The following UNC80 variants were observed in gnomAD, a reference collection of about 807,000 sequenced individuals.
The protein encoded by UNC80 is unc-80 subunit of NALCN channel complex, also known as protein unc-80 homolog.
In UNC80, 164 loss-of-function variants were observed where a neutral mutation model predicts 384.6. That is an observed-to-expected ratio of 0.43 (90% CI 0.38 to 0.49). UNC80 has a LOEUF of 0.49. Ranked by LOEUF, UNC80 falls within the 20% of genes least tolerant of loss-of-function variation. The pLI is 0.00. For missense variants in UNC80, 3,330 were observed against 4,143.0 expected (o/e 0.80, Z 5.39); for synonymous variants, 1,486 against 1,527.8 (o/e 0.97, Z 0.64).
rs2080778319 is a variant in UNC80, at chr2:209,829,255, A to G, written c.2502A>G (p.Leu834=). 7 of 1,551,372 alleles carry G rather than the reference A, an allele frequency of 4.5e-6. No homozygotes were observed. Among genetic ancestry groups the G allele is most frequent in the South Asian group, 2.4e-5 (2 of 84,044 alleles). Residue 834 remains leucine (L), a synonymous_variant, in exon 15 of 65, where the codon CTA becomes CTG. Transcript: ENST00000673920. ...RENAQNCLTK[L]YKLDKMQFRQ... ...AGGCCCAGAACTGCCTCACTAAGCT[A>G]TACAAGCTAGATAAGATGCAGTTCC... is the stretch of plus-strand genomic sequence containing the variant.
At chr2:209,887,781 A>G (rs1185625793) in intron 25 of UNC80, among the ~76,000 whole-genome samples, 1 of 152,216 alleles carries the variant, frequency 6.6e-6, no homozygotes, top group Non-Finnish European at 1.5e-5. Context: ...ATAAAGGCCA[A>G]AGATGCAGCC....
At chr2:209,884,007 G>A (rs542732143) in intron 25 of UNC80, among the ~76,000 whole-genome samples, 137 of 152,146 alleles carry the variant, frequency 9.0e-4, no homozygotes, top group Non-Finnish European at 1.7e-3. Flanking sequence ...CTTAATTAGT[G>A]TGCTTCCCCC....
chr2:209,934,393 G>A (rs2091099806), intron 39 of UNC80, among the ~76,000 whole-genome samples: 1 of 152,146 alleles, frequency 6.6e-6, no homozygotes, highest in South Asian at 2.1e-4. Flanking sequence ...CATGAGTGAG[G>A]GCTTTATGAA....
Position 209,813,838 on chromosome 2 carries a change from CCAA to C in UNC80, c.1198_1200del (p.Gln400del). The C allele has an allele frequency of 6.4e-7, 1 of 1,550,422 alleles. No homozygotes were observed. ...CCTCACTAGTGAACACCCACAAAAC[CCAA>C]GTAAGAAAAACCCGGTTCATTGTCA... is the stretch of plus-strand genomic sequence containing the variant. On this transcript the variant is annotated inframe_deletion and splice_region_variant, in exon 8 of 65. Coordinates refer to ENST00000673920, the MANE Select transcript of UNC80 (RefSeq NM_001371986.1).
chr2:209,979,223 T>C (rs543142590), intron 59 of UNC80, among the ~76,000 whole-genome samples: 1 of 152,330 alleles, frequency 6.6e-6, no homozygotes, highest in South Asian at 2.1e-4. Flanking sequence ...CACTCCAGCC[T>C]GGGCAACAGA....
intron 24 of UNC80, 146 bp from the exon 25 acceptor site, chr2:209,880,815 C>T (rs937419055): frequency 9.7e-6 from 7 of 719,438 alleles, no homozygotes; most frequent in Admixed American, 2.8e-5. Flanking sequence ...ATGAAGTCCT[C>T]ATATGTAATT....
chr2:209,858,070 TCTCA>T (rs1302521597), intron 22 of UNC80, among the ~76,000 whole-genome samples: 1 of 152,220 alleles, frequency 6.6e-6, no homozygotes, highest in African/African-American at 2.4e-5. Context: ...CTGATTGTTT[TCTCA>T]CTGTTTGATC....
chr2:209,801,887 A>G (rs2078586456), intron 7 of UNC80, among the ~76,000 whole-genome samples: 1 of 152,128 alleles, frequency 6.6e-6, no homozygotes, highest in African/African-American at 2.4e-5. Flanking sequence ...TAAAAAAATA[A>G]TATGTAAATA....
At chr2:209,897,234 C>T (rs1202992631) in intron 28 of UNC80, among the ~76,000 whole-genome samples, 1 of 152,092 alleles carries the variant, frequency 6.6e-6, no homozygotes, top group Non-Finnish European at 1.5e-5. Context: ...CCTATGTATA[C>T]AGCTCAATAC....
intron 30 of UNC80, 104 bp downstream of exon 30, chr2:209,912,771 G>A (rs1313057174): frequency 1.4e-6 from 1 of 737,512 alleles, no homozygotes; most frequent in Non-Finnish European, 2.1e-6. Flanking sequence ...AGTTGGTACA[G>A]TGTTGGCATA....
intron 39 of UNC80, among the ~76,000 whole-genome samples, chr2:209,934,633 A>G (rs1410419571): frequency 6.6e-6 from 1 of 152,242 alleles, no homozygotes; most frequent in African/African-American, 2.4e-5. Flanking sequence ...AGGTTCTCGC[A>G]GCAAAAAAGC....
chr2:209,906,407 G>A (rs1007671404), intron 29 of UNC80, among the ~76,000 whole-genome samples: 5 of 152,132 alleles, frequency 3.3e-5, no homozygotes, highest in African/African-American at 9.7e-5. Context: ...CTAAATGTAT[G>A]TGTGAGGGTA....
chr2:209,829,605 A>G (rs899833019), intron 15 of UNC80, among the ~76,000 whole-genome samples: 4 of 152,152 alleles, frequency 2.6e-5, no homozygotes, highest in African/African-American at 7.2e-5. Context: ...ACAGTAAATG[A>G]AAGTTTGGTA....
In UNC80 at chr2:209,827,722, A is replaced by G. The variant is rs2080646679; in HGVS notation, c.2479-1510A>G. The stretch of plus-strand genomic sequence containing the variant: ...AAGCTAAACATTTTCAGATTTCTCT[A>G]CCATTGGCCTTTCAGAAACTACTTA... On this transcript the variant is annotated intron_variant, in intron 14 of 64. Transcript: ENST00000673920. Among the ~76,000 whole-genome samples the G allele has an allele frequency of 2.6e-5, 4 of 152,180 alleles. No individual in the cohort carries two copies. The South Asian group carries it at 8.3e-4, about 32-fold the overall frequency.
chr2:209,981,024 T>C (rs1369873437), intron 59 of UNC80, among the ~76,000 whole-genome samples: 20 of 152,232 alleles, frequency 1.3e-4, no homozygotes, highest in Admixed American at 1.3e-3. Context: ...TCAGTGATTA[T>C]ATAGCAAATT....
chr2:209,800,229 T>C (rs1373883310), intron 7 of UNC80, among the ~76,000 whole-genome samples: 2 of 152,208 alleles, frequency 1.3e-5, no homozygotes, highest in Admixed American at 6.5e-5. Flanking sequence ...ACTGCATCAA[T>C]TTCAGAGCTT....
chr2:209,787,336 A>T (rs2077507130), intron 5 of UNC80, among the ~76,000 whole-genome samples: 1 of 152,160 alleles, frequency 6.6e-6, no homozygotes, highest in Admixed American at 6.5e-5. Context: ...TACCTCCAGG[A>T]TAGCTTTATG....
Position 209,921,620 on chromosome 2 carries a change from A to C in UNC80, c.5464A>C (p.Ile1822Leu). 2 of 1,551,742 alleles carry C rather than the reference A, an allele frequency of 1.3e-6. No individual in the cohort carries two copies. Among genetic ancestry groups the C allele is most frequent in the Non-Finnish European group, 1.7e-6 (2 of 1,146,992 alleles). The change falls in exon 34 of 65, where the codon ATC (isoleucine) becomes CTC (leucine). Residue 1822 changes from isoleucine to leucine, a missense_variant. This residue lies in a region of UNC80 where 1,049 missense variants were observed against 1,488.6 expected (regional missense o/e 0.70). Coordinates refer to ENST00000673920, the MANE Select transcript of UNC80 (RefSeq NM_001371986.1). ...TAGAGAAGCCAGCCTCATCACTGCCATCCCCATCACCCAGGAGGCTTGCTA... is the reference window on the plus strand; with the variant it reads ...TAGAGAAGCCAGCCTCATCACTGCCCTCCCCATCACCCAGGAGGCTTGCTA... ...LGREASLITA[I>L]PITQEACYEP...
At chr2:209,866,162 T>C (rs555949660) in intron 22 of UNC80, among the ~76,000 whole-genome samples, 1 of 152,300 alleles carries the variant, frequency 6.6e-6, no homozygotes, top group African/African-American at 2.4e-5. Flanking sequence ...CAATATTGTG[T>C]CGTTCACATT....
Sources: allele counts gnomAD v4.1 joint callset (sites outside exome capture counted in the v4.1 genomes callset), GRCh38; gene constraint gnomAD v4.1.1; regional missense constraint gnomAD v4.1.1; transcripts MANE v1.5; gene names NCBI Gene and HGNC (gene_info 2026-07-23, HGNC 2026-07-21).